The following FAM9B variants were observed in gnomAD, a reference collection of about 807,000 sequenced individuals.
FAM9B encodes the protein family with sequence similarity 9 member B, also known as protein FAM9B.
FAM9B carries 18 observed loss-of-function variants against 16.6 expected under a neutral mutation model. The ratio of observed to expected loss-of-function variants is 1.09; its 90% CI spans 0.75 to 1.61. FAM9B has a LOEUF of 1.61. Among genes scored for constraint, FAM9B ranks in the 40% most tolerant of loss-of-function variants. The pLI, the probability that FAM9B is intolerant of heterozygous loss-of-function variation, is 0.00. For synonymous variants in FAM9B, 43 were observed against 42.6 expected (o/e 1.01, Z -0.03); for missense variants, 155 against 136.0 (o/e 1.14, Z -0.70).
At chrX:9,026,197 C>T (rs1163186537) in intron 7 of FAM9B, among the ~76,000 whole-genome samples, 1 of 111,932 alleles carries the variant, frequency 8.9e-6, no homozygotes, top group Non-Finnish European at 1.9e-5. Flanking sequence ...TGTGTAACTG[C>T]TATGGAAGGG....
rs1190271938 is a variant in FAM9B, at chrX:9,033,490, G to A, written c.-90+362C>T. The A allele has an allele frequency of 1.1e-5, 6 of 550,279 alleles. No individual in the cohort carries two copies. The South Asian group carries it at 3.9e-4, about 36-fold the overall frequency. The allele number at this position is 550,279 out of a possible 1,213,427, so 45.3% of individuals were successfully genotyped here. A position where few individuals can be genotyped will look rare whatever the true frequency, so the allele number is the denominator to read the frequency against. ...GCACAGGGGACCCCCGGTGACCCCC[G>A]GTGACCCCAAGTGTCCTGTCCTGTC... On this transcript the variant is annotated intron_variant, in intron 1 of 8. Coordinates refer to ENST00000327220, the MANE Select transcript of FAM9B (RefSeq NM_205849.3).
chrX:9,027,374 T>C (rs1920977009), intron 7 of FAM9B, among the ~76,000 whole-genome samples: 1 of 111,706 alleles, frequency 9.0e-6, no homozygotes, highest in African/African-American at 3.3e-5. Context: ...CCAGAAAGGA[T>C]TTATGGACCT....
In FAM9B at chrX:9,033,838, C is replaced by T; in HGVS notation, c.-90+14G>A. On this transcript the variant is annotated intron_variant, in intron 1 of 8. Coordinates refer to ENST00000327220, the MANE Select transcript of FAM9B (RefSeq NM_205849.3). ...CGTGCCTGCGTTCCCGCCTCCCCAC[C>T]ACGAGTGCTTCACCTGAGGGACCCC... 6 of 753,391 alleles carry T rather than the reference C, an allele frequency of 8.0e-6. No homozygotes were observed. The highest frequency in any genetic ancestry group is 9.4e-6 in the Non-Finnish European group (6 of 639,183). The allele number at this position is 753,391 out of a possible 1,213,427, so 62.1% of individuals were successfully genotyped here.
intron 7 of FAM9B, among the ~76,000 whole-genome samples, chrX:9,027,630 A>C (rs1271038589): frequency 8.9e-6 from 1 of 111,870 alleles, no homozygotes; most frequent in Non-Finnish European, 1.9e-5. Flanking sequence ...GTGTATTTCT[A>C]GGTAAAATTT....
Position 9,029,660 on chromosome X carries a change from A to G in FAM9B, c.282-242T>C, listed in dbSNP as rs536932468. 9.8e-5 allele frequency among the ~76,000 whole-genome samples: 11 copies of G among 111,991 alleles called. No homozygotes were observed. In the East Asian group the frequency reaches 2.3e-3, roughly 23 times the overall value. On this transcript the variant is annotated intron_variant, in intron 5 of 8. Coordinates refer to ENST00000327220, the MANE Select transcript of FAM9B (RefSeq NM_205849.3). ...ACCTGCTGAAGACAAAGGAGGGTTT[A>G]CTGCACTATAACTTTCCCAGAAACA...
chrX:9,030,301 T>A lies in FAM9B; in HGVS notation c.241A>T (p.Asn81Tyr), dbSNP rs1041373849. ...KMDKTCSKTKNKSKHALRKKQ... is the reference protein window; with the variant it reads ...KMDKTCSKTKYKSKHALRKKQ... Reference sequence around the variant, plus strand: ...TTTCTCAAAGCATGTTTACTTTTGTTCTTTGTTTTGCTGCAAGTTTTATCC... The same window carrying A: ...TTTCTCAAAGCATGTTTACTTTTGTACTTTGTTTTGCTGCAAGTTTTATCC... Residue 81 changes from asparagine to tyrosine, a missense_variant, in exon 5 of 9, where the codon AAC (asparagine) becomes TAC (tyrosine). Asn to Tyr is a moderately radical substitution (Grantham distance 143, BLOSUM62 -2). Transcript: ENST00000327220. The A allele has an allele frequency of 1.1e-5, 13 of 1,203,888 alleles. No individual in the cohort carries two copies. Among genetic ancestry groups the A allele is most frequent in the Non-Finnish European group, 1.5e-5 (13 of 892,210 alleles).
intron 6 of FAM9B, among the ~76,000 whole-genome samples, chrX:9,028,663 G>A (rs1455296995): frequency 9.0e-6 from 1 of 111,344 alleles, no homozygotes; most frequent in Non-Finnish European, 1.9e-5. Flanking sequence ...ATTTGCCCAT[G>A]GTTTCCGAGC....
rs766515216 is a variant in FAM9B, at chrX:9,029,411, G to A, written c.289C>T (p.Arg97Cys). 5.0e-5 allele frequency: 59 copies of A among 1,175,559 alleles called. No homozygotes were observed. The highest frequency in any genetic ancestry group is 4.3e-4 in the South Asian group (24 of 55,710). Residue 97 changes from arginine to cysteine, a missense_variant, in exon 6 of 9, where the codon CGT becomes TGT. Arg to Cys is a radical substitution (Grantham distance 180). Coordinates refer to ENST00000327220, the MANE Select transcript of FAM9B (RefSeq NM_205849.3). ...AACTTCAGAGAATGTATATAATCAC[G>A]TTTCTGCCTGTAACACATAATAAGT... ...LRKKQLKRQK[R>C]DYIHSLKLLN...
chrX:9,030,576 A>G (rs1438302383), intron 4 of FAM9B: 3 of 289,218 alleles, frequency 1.0e-5, no homozygotes, highest in Non-Finnish European at 1.2e-5. Flanking sequence ...TTTCAATTCC[A>G]GTTGGTATAA....
rs753600870 is a variant in FAM9B at position 9,033,972 on chromosome X, G to A, written c.-210C>T. 5.8e-5 allele frequency: 40 copies of A among 685,340 alleles called. No homozygotes were observed. The South Asian group carries it at 1.5e-3, about 26-fold the overall frequency. The allele number at this position is 685,340 out of a possible 1,213,427, so 56.5% of individuals were successfully genotyped here. ...GGAGAATTGCTTGAACCCAGGAGGC[G>A]GAGGTTGCAGTGAGCCCAGATCACA... On this transcript the variant is annotated 5_prime_UTR_variant, in exon 1 of 9. Transcript: ENST00000327220.
chrX:9,034,077 G>C lies in FAM9B; in HGVS notation c.-315C>G, dbSNP rs1473884921. The C allele has an allele frequency of 5.4e-6, 1 of 186,569 alleles. No individual in the cohort carries two copies. The highest frequency in any genetic ancestry group is 3.1e-5 in the African/African-American group (1 of 32,727). 15.4% of individuals were successfully genotyped at this position (186,569 alleles called of 1,213,427 possible). On this transcript the variant is annotated 5_prime_UTR_variant, in exon 1 of 9. Coordinates refer to ENST00000327220, the MANE Select transcript of FAM9B (RefSeq NM_205849.3). ...AACAAAAAAACAAAAAAAAAGAAAA[G>C]TAAAGAAAACGGGTCCTCAGTTCTC...
Position 9,027,938 on chromosome X carries a change from C to A in FAM9B, c.422G>T (p.Trp141Leu). The A allele has an allele frequency of 8.3e-7, 1 of 1,209,152 alleles. No homozygotes were observed. Among genetic ancestry groups the A allele is most frequent in the Non-Finnish European group, 1.1e-6 (1 of 893,741 alleles). ...IRIFQEQQKK[W>L]QQYRSVRRER... is the part of the protein sequence containing the mutation. ...TCTCCTAACACTTCTATATTGTTGC[C>A]ACTTCTTCTGTTGTTCTTGAAATAT... is the stretch of plus-strand genomic sequence containing the variant. The change falls in exon 7 of 9, where the codon TGG (tryptophan) becomes TTG (leucine). Residue 141 changes from tryptophan to leucine, a missense_variant. Transcript: ENST00000327220.
At chrX:9,028,634 T>G (rs762659980) in intron 6 of FAM9B, among the ~76,000 whole-genome samples, 2 of 111,968 alleles carry the variant, frequency 1.8e-5, no homozygotes, top group African/African-American at 6.5e-5. Context: ...TTACCATGTC[T>G]CCTTTCGTAG....
chrX:9,025,663 G>GCTGTTTCCTTTT, intron 7 of FAM9B, 80 bp from the exon 8 acceptor site: 1 of 752,729 alleles, frequency 1.3e-6, no homozygotes, highest in Non-Finnish European at 2.0e-6. Flanking sequence ...AATGTCAAAA[G>GCTGTTTCCTTTT]GAAACAGCTT....
chrX:9,034,017 G>T lies in FAM9B; in HGVS notation c.-255C>A. On this transcript the variant is annotated 5_prime_UTR_variant, in exon 1 of 9. Coordinates refer to ENST00000327220, the MANE Select transcript of FAM9B (RefSeq NM_205849.3). ...ATCACACCACTGCACTGCAGCCTAG[G>T]CAGCAAGAGCCAGACTCCGTCCCAA... is the stretch of plus-strand genomic sequence containing the variant. 2.4e-6 allele frequency: 1 copy of T among 420,782 alleles called. No homozygotes were observed. The highest frequency in any genetic ancestry group is 3.0e-6 in the Non-Finnish European group (1 of 334,763). The allele number at this position is 420,782 out of a possible 1,213,427, so 34.7% of individuals were successfully genotyped here.
intron 1 of FAM9B, chrX:9,033,466 C>T: frequency 1.6e-6 from 1 of 636,143 alleles, no homozygotes; most frequent in African/African-American, 2.4e-5. Flanking sequence ...CCCCTGGACG[C>T]ACAGGGGACC....
intron 7 of FAM9B, among the ~76,000 whole-genome samples, chrX:9,026,812 T>TA (rs1322012592): frequency 9.0e-6 from 1 of 111,642 alleles, no homozygotes; most frequent in Non-Finnish European, 1.9e-5. Context: ...CTCATGTTCA[T>TA]ACCAATTAAT....
At chrX:9,028,499 C>G (rs1920989421) in intron 6 of FAM9B, among the ~76,000 whole-genome samples, 1 of 110,784 alleles carries the variant, frequency 9.0e-6, no homozygotes, top group African/African-American at 3.3e-5. Flanking sequence ...ACTTCAACAC[C>G]TACGTAATAT....
chrX:9,029,685 A>T (rs778697712), intron 5 of FAM9B, among the ~76,000 whole-genome samples: 1 of 111,586 alleles, frequency 9.0e-6, no homozygotes, highest in South Asian at 3.7e-4. Context: ...TCCCAGAAAC[A>T]TTTTCTCTAA....
Sources: allele counts gnomAD v4.1 joint callset (sites outside exome capture counted in the v4.1 genomes callset), GRCh38; gene constraint gnomAD v4.1.1; transcripts MANE v1.5; gene names NCBI Gene and HGNC (gene_info 2026-07-23, HGNC 2026-07-21).